Variants in IMMP2L observed in about 807,000 individuals in gnomAD.
The protein encoded by IMMP2L is inner mitochondrial membrane peptidase subunit 2.
Under a neutral mutation model 19.3 loss-of-function variants are expected in IMMP2L, and 18 were observed. That is an observed-to-expected ratio of 0.93 (90% CI 0.64 to 1.38). The LOEUF is 1.38. Ranked by LOEUF, IMMP2L falls within the 40% of genes most tolerant of loss-of-function variation. The pLI is 0.00. For missense variants in IMMP2L, 233 were observed against 218.2 expected, an observed-to-expected ratio of 1.07 and a Z score of -0.43; for synonymous variants, 76 against 73.0, an observed-to-expected ratio of 1.04 and a Z score of -0.21.
rs1208021082 is a variant in IMMP2L at position 111,275,027 on chromosome 7, T to A, written c.239+212211A>T. Among the ~76,000 whole-genome samples, 4 of 152,140 alleles carry A rather than the reference T, an allele frequency of 2.6e-5. No individual in the cohort carries two copies. The East Asian group carries it at 7.7e-4, about 29-fold the overall frequency. On this transcript the variant is annotated intron_variant, in intron 3 of 5. Coordinates refer to ENST00000405709, the MANE Select transcript of IMMP2L (RefSeq NM_032549.4). ...CTCTGCTTCTTCATTTACATTGACA[T>A]TCTAATCTCGAGATGTGTCAGAATT...
chr7:110,861,098 TGAGA>T (rs5886583), intron 5 of IMMP2L, among the ~76,000 whole-genome samples: 3,913 of 141,350 alleles, frequency 0.028, 135 homozygotes, highest in African/African-American at 0.085. Flanking sequence ...TGTGTGTGTG[TGAGA>T]GAGAGAGAGA....
rs528662136 is a variant in IMMP2L, at chr7:110,907,960, G to C, written c.306-21265C>G. Among the ~76,000 whole-genome samples, 137 of 152,088 alleles carry C rather than the reference G, an allele frequency of 9.0e-4. 1 individual carries two copies. The highest frequency in any genetic ancestry group is 1.6e-3 in the Non-Finnish European group (110 of 68,034). ...CCAAGCCTTACTCATGCGACACAAC[G>C]GTCAGTACTTGCTGCTTGGCTGGAT... On this transcript the variant is annotated intron_variant, in intron 4 of 5. Transcript: ENST00000405709.
intron 3 of IMMP2L, among the ~76,000 whole-genome samples, chr7:110,999,627 A>C: frequency 6.6e-6 from 1 of 151,156 alleles, no homozygotes. Flanking sequence ...AAAAAAACCA[A>C]GATACGTATG....
intron 5 of IMMP2L, among the ~76,000 whole-genome samples, chr7:110,680,629 C>T (rs1017661090): frequency 2.2e-4 from 33 of 152,130 alleles, no homozygotes; most frequent in African/African-American, 7.7e-4. Flanking sequence ...GTGGGCATGG[C>T]ACAATTGGCA....
intron 4 of IMMP2L, among the ~76,000 whole-genome samples, chr7:110,897,472 A>C (rs1811440959): frequency 6.6e-6 from 1 of 152,214 alleles, no homozygotes; most frequent in South Asian, 2.1e-4. Context: ...GGTATAGGAA[A>C]CATGTACACT....
At chr7:111,546,601 C>G (rs1156897538) in intron 1 of IMMP2L, among the ~76,000 whole-genome samples, 3 of 151,982 alleles carry the variant, frequency 2.0e-5, no homozygotes, top group Non-Finnish European at 1.5e-5. Context: ...TCTTAATTCT[C>G]AAATTTAGGA....
At chr7:111,307,163 C>T (rs947091600) in intron 3 of IMMP2L, among the ~76,000 whole-genome samples, 4 of 151,508 alleles carry the variant, frequency 2.6e-5, no homozygotes, top group South Asian at 4.1e-4. Context: ...TAGTACCTTA[C>T]TTTTGGATCC....
chr7:110,695,956 C>A (rs892815862), intron 5 of IMMP2L, among the ~76,000 whole-genome samples: 4 of 152,226 alleles, frequency 2.6e-5, no homozygotes, highest in Non-Finnish European at 5.9e-5. Flanking sequence ...CTGTGACTTT[C>A]AGAGGACGGC....
chr7:111,493,639 A>G (rs1227101278), intron 2 of IMMP2L, among the ~76,000 whole-genome samples: 71 of 138,256 alleles, frequency 5.1e-4, no homozygotes, highest in Middle Eastern at 4.8e-3. Flanking sequence ...CGGGAGGCGG[A>G]GCTTGCAGTG....
chr7:111,519,391 A>C lies in IMMP2L; in HGVS notation c.135+1922T>G, dbSNP rs551323776. Among the ~76,000 whole-genome samples, 5 of 152,200 alleles carry C rather than the reference A, an allele frequency of 3.3e-5. No individual in the cohort carries two copies. In the South Asian group the frequency reaches 8.3e-4, roughly 25 times the overall value. On this transcript the variant is annotated intron_variant, in intron 2 of 5. Coordinates refer to ENST00000405709, the MANE Select transcript of IMMP2L (RefSeq NM_032549.4). ...CCCCTTTATACCAAGCTATTTTCCT[A>C]TTACCAGTAGCCAAGGAAACTATAC...
Position 111,394,114 on chromosome 7 carries a change from A to G in IMMP2L, c.239+93124T>C, listed in dbSNP as rs1832648416. ...TTTATCATCTCTGGAATCAAGATATATCTTACAGTCGATAATATCATAGTT... is the reference window on the plus strand; with the variant it reads ...TTTATCATCTCTGGAATCAAGATATGTCTTACAGTCGATAATATCATAGTT... On this transcript the variant is annotated intron_variant, in intron 3 of 5. Coordinates refer to ENST00000405709, the MANE Select transcript of IMMP2L (RefSeq NM_032549.4). Among the ~76,000 whole-genome samples the G allele has an allele frequency of 2.6e-5, 4 of 152,296 alleles. No homozygotes were observed. The South Asian group carries it at 8.3e-4, about 32-fold the overall frequency.
At chr7:111,411,071 C>A (rs1584995011) in intron 3 of IMMP2L, among the ~76,000 whole-genome samples, 1 of 109,864 alleles carries the variant, frequency 9.1e-6, no homozygotes. Flanking sequence ...AAAACCATGA[C>A]ATGATATAAT....
intron 3 of IMMP2L, among the ~76,000 whole-genome samples, chr7:111,010,786 T>C (rs937873863): frequency 3.9e-5 from 6 of 151,998 alleles, no homozygotes; most frequent in African/African-American, 9.7e-5. Flanking sequence ...TCAGTGAGCA[T>C]AAAGGAAGCA....
chr7:111,187,008 G>A (rs1270685496), intron 3 of IMMP2L, among the ~76,000 whole-genome samples: 1 of 151,790 alleles, frequency 6.6e-6, no homozygotes, highest in Non-Finnish European at 1.5e-5. Flanking sequence ...ACTTAGTTCT[G>A]GGAATAGAAT....
chr7:111,400,693 C>A lies in IMMP2L; in HGVS notation c.239+86545G>T, dbSNP rs371929380. Among the ~76,000 whole-genome samples the A allele has an allele frequency of 8.6e-5, 13 of 151,982 alleles. No homozygotes were observed. In the East Asian group the frequency reaches 9.7e-4, roughly 11 times the overall value. Reference sequence around the variant, plus strand: ...ACTGCATGGCTTATTCAGAAGATATCGGTGATGTGAAATGCTTAGGTGTGA... The same window carrying A: ...ACTGCATGGCTTATTCAGAAGATATAGGTGATGTGAAATGCTTAGGTGTGA... On this transcript the variant is annotated intron_variant, in intron 3 of 5. Transcript: ENST00000405709.
intron 5 of IMMP2L, among the ~76,000 whole-genome samples, chr7:110,810,881 A>G (rs369143784): frequency 1.2e-3 from 179 of 152,238 alleles, no homozygotes; most frequent in African/African-American, 4.0e-3. Context: ...TATGGGTGCC[A>G]TGACTTGACA....
At chr7:110,833,375 G>T (rs1804141753) in intron 5 of IMMP2L, among the ~76,000 whole-genome samples, 1 of 150,040 alleles carries the variant, frequency 6.7e-6, no homozygotes, top group Non-Finnish European at 1.5e-5. Flanking sequence ...GGAGGCAGAG[G>T]TCGCAGTGAG....
chr7:111,466,183 A>G lies in IMMP2L; in HGVS notation c.239+21055T>C, dbSNP rs372818604. Among the ~76,000 whole-genome samples the G allele has an allele frequency of 2.3e-3, 355 of 152,186 alleles. 3 individuals carry two copies. The highest frequency in any genetic ancestry group is 8.1e-3 in the African/African-American group (337 of 41,510). On this transcript the variant is annotated intron_variant, in intron 3 of 5. Transcript: ENST00000405709. Reference sequence around the variant, plus strand: ...CACACTGTGGCCTGTTGTGGGGTGGAGGGAGCGGGGAGGGATAGCATTAGG... The same window carrying G: ...CACACTGTGGCCTGTTGTGGGGTGGGGGGAGCGGGGAGGGATAGCATTAGG...
intron 5 of IMMP2L, among the ~76,000 whole-genome samples, chr7:110,691,243 T>C (rs1209810969): frequency 6.6e-6 from 1 of 152,090 alleles, no homozygotes; most frequent in Non-Finnish European, 1.5e-5. Context: ...TCATAAGTGG[T>C]GCTAAGAAAA....
Sources: gnomAD v4.1 joint callset for allele counts (sites outside exome capture counted in the v4.1 genomes callset) on GRCh38, gnomAD v4.1.1 for gene constraint, MANE v1.5 for transcripts, NCBI Gene and HGNC (gene_info 2026-07-23, HGNC 2026-07-21) for gene names.